LXN: variants seen among roughly 807,000 people sequenced by gnomAD.
The protein encoded by LXN is MUM.
In LXN, 28 loss-of-function variants were observed where a neutral mutation model predicts 29.8. The observed-to-expected ratio is 0.94, with a 90% CI of 0.70 to 1.29. LXN has a LOEUF of 1.29. Ranked by LOEUF, LXN falls within the 50% of genes most tolerant of loss-of-function variation. The pLI is 0.00. For synonymous variants in LXN, 77 were observed against 89.6 expected (o/e 0.86, Z 0.80); for missense variants, 227 against 261.7 (o/e 0.87, Z 0.92).
chr3:158,671,089 A>G (rs963575307), intron 1 of LXN, 70 bp from the exon 2 acceptor site: 31 of 1,376,450 alleles, frequency 2.3e-5, no homozygotes, highest in Non-Finnish European at 2.9e-5. Context: ...TGTTAGAAGT[A>G]TGCATCTCAT....
In LXN at chr3:158,666,735, GAAT is replaced by G; in HGVS notation, c.577_579del (p.Ile193del). 1 of 1,613,124 alleles carries G rather than the reference GAAT, an allele frequency of 6.2e-7. No homozygotes were observed. The highest frequency in any genetic ancestry group is 8.5e-7 in the Non-Finnish European group (1 of 1,179,246). On this transcript the variant is annotated inframe_deletion, in exon 6 of 6. Coordinates refer to ENST00000264265, the MANE Select transcript of LXN (RefSeq NM_020169.4). ...TGCCAGAGAACTTGCATTTGCCAGG[GAAT>G]AATCTCCTGCAAGTGAAGAAAATTA... is the stretch of plus-strand genomic sequence containing the variant.
rs62288302 is a variant in LXN, at chr3:158,672,401, C to T, written c.78G>A (p.Gly26=). The T allele has an allele frequency of 6.8e-6, 11 of 1,613,944 alleles. No individual in the cohort carries two copies. In the African/African-American group the frequency reaches 1.2e-4, roughly 18 times the overall value. ...GCACCTCAAACACCCTGTGCGGGGT[C>T]CCCTGCTGGTAGTTGATGTAGTTCT... ...VAQNYINYQQ[G]TPHRVFEVQK... is the part of the protein sequence containing the mutation. Residue 26 remains glycine, a synonymous_variant, in exon 1 of 6, where the codon GGG becomes GGA. Transcript: ENST00000264265.
At position 158,672,423 on chromosome 3, in the gene LXN, T is replaced by G. The variant is rs1398779364; in HGVS notation, c.56A>C (p.Asn19Thr). 16 of 1,614,090 alleles carry G rather than the reference T, an allele frequency of 9.9e-6. No individual in the cohort carries two copies. Among genetic ancestry groups the G allele is most frequent in the African/African-American group, 1.3e-5 (1 of 75,030 alleles). ...PASRAALVAQ[N>T]YINYQQGTPH... ...GGTCCCCTGCTGGTAGTTGATGTAG[T>G]TCTGTGCCACCAAGGCCGCCCTGGA... Residue 19 changes from asparagine to threonine, a missense_variant, in exon 1 of 6, where the codon AAC becomes ACC. Asn to Thr is a moderately conservative substitution (Grantham distance 65). Transcript: ENST00000264265.
intron 2 of LXN, 129 bp downstream of exon 2, chr3:158,670,828 G>A (rs1370217768): frequency 8.0e-7 from 1 of 1,245,712 alleles, no homozygotes; most frequent in East Asian, 3.5e-5. Flanking sequence ...AGCTATTTGG[G>A]GAGGCTGAGG....
Position 158,666,450 on chromosome 3 carries a change from A to C in LXN, c.*196T>G. 1 of 1,337,322 alleles carries C rather than the reference A, an allele frequency of 7.5e-7. No homozygotes were observed. Among genetic ancestry groups the C allele is most frequent in the Non-Finnish European group, 1.1e-6 (1 of 929,156 alleles). The allele number at this position is 1,337,322 out of a possible 1,614,324, so 82.8% of individuals were successfully genotyped here. A position where few individuals can be genotyped will look rare whatever the true frequency, so the allele number is the denominator to read the frequency against. On this transcript the variant is annotated 3_prime_UTR_variant, in exon 6 of 6. Coordinates refer to ENST00000264265, the MANE Select transcript of LXN (RefSeq NM_020169.4). ...TTGAAGCTTTTTATTTTGGATATAC[A>C]TACCACTATTACTGTTTTAAAGACA...
At chr3:158,669,335 T>G in intron 3 of LXN, 98 bp downstream of exon 3, 1 of 1,324,928 alleles carries the variant, frequency 7.5e-7, no homozygotes, top group Non-Finnish European at 1.0e-6. Context: ...GCCTGTAAGT[T>G]TCTAACATAC....
intron 2 of LXN, 121 bp from the exon 3 acceptor site, chr3:158,669,731 G>C: frequency 1.1e-6 from 1 of 946,268 alleles, no homozygotes; most frequent in East Asian, 2.6e-5. Flanking sequence ...AGACTTCAAA[G>C]TGCTTGTTTT....
intron 4 of LXN, among the ~76,000 whole-genome samples, chr3:158,668,219 G>T (rs1723904607): frequency 6.6e-6 from 1 of 152,100 alleles, no homozygotes. Flanking sequence ...TGTAGTATTT[G>T]CGTATAACCT....
In LXN at chr3:158,669,067, A is replaced by C; in HGVS notation, c.436T>G (p.Tyr146Asp). ...VLHLAWVACG[Y>D]IIWQNSTEDT... ...TCAGTAGAATTTTGCCATATTATAT[A>C]ACCACAGGCAACCCAGGCTAAATGT... The change falls in exon 4 of 6, where the codon TAT (tyrosine) becomes GAT (aspartate). Residue 146 changes from tyrosine (Y) to aspartate (D), a missense_variant. Transcript: ENST00000264265. 1 of 1,613,640 alleles carries C rather than the reference A, an allele frequency of 6.2e-7. No individual in the cohort carries two copies. Among genetic ancestry groups the C allele is most frequent in the Non-Finnish European group, 8.5e-7 (1 of 1,179,794 alleles).
intron 1 of LXN, 79 bp from the exon 2 acceptor site, chr3:158,671,098 A>AT (rs1270588329): frequency 1.5e-6 from 2 of 1,352,162 alleles, no homozygotes; most frequent in Non-Finnish European, 1.9e-6. Context: ...TATGCATCTC[A>AT]TTTGGTTGGA....
rs1460383011 is a variant in LXN at position 158,669,043 on chromosome 3, C to T, written c.460G>A (p.Glu154Lys). The change falls in exon 4 of 6, where the codon GAA (glutamate) becomes AAA (lysine). Residue 154 changes from glutamate to lysine, a missense_variant. Glu to Lys is a moderately conservative substitution (Grantham distance 56, BLOSUM62 1). Transcript: ENST00000264265. ...TTTACCATTTTATACCATGTGTCTT[C>T]AGTAGAATTTTGCCATATTATATAA... ...CGYIIWQNST[E>K]DTWYKMVKIQ... 3.1e-6 allele frequency: 5 copies of T among 1,613,446 alleles called. No homozygotes were observed. Among genetic ancestry groups the T allele is most frequent in the Middle Eastern group, 3.3e-4 (2 of 6,080 alleles).
In LXN at chr3:158,672,634, C is replaced by A; in HGVS notation, c.-156G>T. ...CTTCTTCCTCAGCTCCTTCCGACTC[C>A]GGAAGCTGCTGTTTGGGCCCAGGCT... is the stretch of plus-strand genomic sequence containing the variant. On this transcript the variant is annotated 5_prime_UTR_variant, in exon 1 of 6. Coordinates refer to ENST00000264265, the MANE Select transcript of LXN (RefSeq NM_020169.4). The A allele has an allele frequency of 1.2e-6, 1 of 852,694 alleles. No individual in the cohort carries two copies. Among genetic ancestry groups the A allele is most frequent in the Non-Finnish European group, 1.8e-6 (1 of 570,620 alleles). The allele number at this position is 852,694 out of a possible 1,614,324, so 52.8% of individuals were successfully genotyped here. A position where few individuals can be genotyped will look rare whatever the true frequency, so the allele number is the denominator to read the frequency against.
rs372262936 is a variant in LXN at position 158,666,463 on chromosome 3, T to C, written c.*183A>G. On this transcript the variant is annotated 3_prime_UTR_variant, in exon 6 of 6. Transcript: ENST00000264265. Reference sequence around the variant, plus strand: ...TTTTGGATATACATACCACTATTACTGTTTTAAAGACATTTTTATGTAGTG... The same window carrying C: ...TTTTGGATATACATACCACTATTACCGTTTTAAAGACATTTTTATGTAGTG... 3.1e-6 allele frequency: 4 copies of C among 1,276,740 alleles called. No homozygotes were observed. Among genetic ancestry groups the C allele is most frequent in the East Asian group, 4.6e-5 (2 of 43,032 alleles). The allele number at this position is 1,276,740 out of a possible 1,614,324, so 79.1% of individuals were successfully genotyped here. A position where few individuals can be genotyped will look rare whatever the true frequency, so the allele number is the denominator to read the frequency against.
At chr3:158,670,403 T>C (rs1724162919) in intron 2 of LXN, among the ~76,000 whole-genome samples, 1 of 152,194 alleles carries the variant, frequency 6.6e-6, no homozygotes, top group Non-Finnish European at 1.5e-5. Flanking sequence ...GGGAATAAAT[T>C]ACTTCACTCA....
intron 4 of LXN, among the ~76,000 whole-genome samples, chr3:158,667,859 T>C (rs1307420862): frequency 2.0e-5 from 3 of 152,198 alleles, no homozygotes; most frequent in East Asian, 1.9e-4. Flanking sequence ...AGTTGTGTGA[T>C]TGTGTAATTA....
chr3:158,668,408 G>T, intron 4 of LXN, among the ~76,000 whole-genome samples: 1 of 151,830 alleles, frequency 6.6e-6, no homozygotes, highest in South Asian at 2.1e-4. Context: ...TTTGATTCTC[G>T]GTTGTTTGTA....
At chr3:158,668,475 T>G (rs1373338741) in intron 4 of LXN, among the ~76,000 whole-genome samples, 1 of 152,214 alleles carries the variant, frequency 6.6e-6, no homozygotes, top group Non-Finnish European at 1.5e-5. Context: ...CCTGGGATTC[T>G]GTCTTGCTGC....
At chr3:158,672,145 G>A (rs1343319719) in intron 1 of LXN, among the ~76,000 whole-genome samples, 2 of 152,196 alleles carry the variant, frequency 1.3e-5, no homozygotes, top group Non-Finnish European at 2.9e-5. Context: ...GGTGAAAACA[G>A]TCCCGGGCTG....
At chr3:158,671,110 G>T in intron 1 of LXN, 91 bp from the exon 2 acceptor site, 1 of 1,324,650 alleles carries the variant, frequency 7.5e-7, no homozygotes, top group Non-Finnish European at 9.8e-7. Context: ...TTGGTTGGAG[G>T]GGCTGGCTGA....
Sources: allele counts gnomAD v4.1 joint callset (sites outside exome capture counted in the v4.1 genomes callset), GRCh38; gene constraint gnomAD v4.1.1; transcripts MANE v1.5; gene names NCBI Gene and HGNC (gene_info 2026-07-23, HGNC 2026-07-21).